The following ZC4H2 variants were observed in gnomAD, a reference collection of about 807,000 sequenced individuals.
ZC4H2 encodes zinc finger C4H2-type containing.
For synonymous variants in ZC4H2, 84 were observed against 66.3 expected (o/e 1.27, Z -1.30); for missense variants, 137 against 173.9 (o/e 0.79, Z 1.19).
At chrX:64,945,527 G>A (rs759985374) in intron 1 of ZC4H2, among the ~76,000 whole-genome samples, 2 of 111,617 alleles carry the variant, frequency 1.8e-5, no homozygotes, top group South Asian at 7.6e-4. Flanking sequence ...ACTCCTGCTG[G>A]GAGGTGTCTC....
chrX:64,957,508 G>A (rs1200344521), intron 1 of ZC4H2, among the ~76,000 whole-genome samples: 1 of 111,662 alleles, frequency 9.0e-6, no homozygotes, highest in Non-Finnish European at 1.9e-5. Flanking sequence ...TTTCATAAGC[G>A]TTTTTTCTAT....
chrX:64,923,336 T>C (rs781433695), intron 1 of ZC4H2, among the ~76,000 whole-genome samples: 2 of 111,533 alleles, frequency 1.8e-5, no homozygotes, highest in East Asian at 2.9e-4. Flanking sequence ...AGGGGTACCC[T>C]CTAAGGCATG....
chrX:64,920,424 G>A (rs1929145413), intron 2 of ZC4H2, among the ~76,000 whole-genome samples, 171 bp from the exon 3 acceptor site: 1 of 111,601 alleles, frequency 9.0e-6, no homozygotes, highest in Non-Finnish European at 1.9e-5. Flanking sequence ...TTTCTTCATC[G>A]GTATAATGGT....
intron 1 of ZC4H2, among the ~76,000 whole-genome samples, chrX:65,001,454 T>C (rs1443400832): frequency 9.0e-6 from 1 of 111,657 alleles, no homozygotes; most frequent in African/African-American, 3.3e-5. Context: ...GCACTAAACA[T>C]GGAAAGGAAA....
intron 1 of ZC4H2, among the ~76,000 whole-genome samples, chrX:64,951,257 A>T (rs1281743343): frequency 8.9e-6 from 1 of 112,330 alleles, no homozygotes; most frequent in Non-Finnish European, 1.9e-5. Flanking sequence ...TAGTGCCACA[A>T]CAAACATACG....
chrX:64,979,724 A>G (rs1052298571), upstream of ZC4H2, among the ~76,000 whole-genome samples: 1 of 111,896 alleles, frequency 8.9e-6, no homozygotes, highest in African/African-American at 3.2e-5. Flanking sequence ...GAAGTTTGCA[A>G]TGGCTGAAAC....
chrX:64,934,276 T>C (rs1411248051), intron 1 of ZC4H2, among the ~76,000 whole-genome samples: 1 of 112,556 alleles, frequency 8.9e-6, no homozygotes, highest in East Asian at 2.8e-4. Context: ...ACATTTTTAC[T>C]CCATTGTAAC....
At chrX:64,997,743 G>C (rs988887209) in intron 1 of ZC4H2, among the ~76,000 whole-genome samples, 1 of 111,338 alleles carries the variant, frequency 9.0e-6, no homozygotes, top group Non-Finnish European at 1.9e-5. Context: ...GAGTAGCTGG[G>C]ACTACAGGCA....
At chrX:64,998,146 A>T (rs1479184131) in intron 1 of ZC4H2, among the ~76,000 whole-genome samples, 3 of 111,958 alleles carry the variant, frequency 2.7e-5, no homozygotes, top group African/African-American at 9.7e-5. Flanking sequence ...TAAGACATAC[A>T]GAAAGCAAAT....
intron 1 of ZC4H2, among the ~76,000 whole-genome samples, chrX:64,947,259 T>C (rs1481105737): frequency 8.9e-6 from 1 of 112,185 alleles, no homozygotes; most frequent in Non-Finnish European, 1.9e-5. Flanking sequence ...CAGGAAATGG[T>C]CTATCTATTT....
At position 64,975,268 on chromosome X, in the gene ZC4H2, T is replaced by G. The variant is rs749403576; in HGVS notation, c.53+1057A>C. On this transcript the variant is annotated intron_variant, in intron 1 of 4. Transcript: ENST00000374839. Reference sequence around the variant, plus strand: ...TAAATGATAGTTCCCTTCCTTTACCTCTCCTGTAGAAAGAGAGATGCAACC... The same window carrying G: ...TAAATGATAGTTCCCTTCCTTTACCGCTCCTGTAGAAAGAGAGATGCAACC... 2.0e-3 allele frequency among the ~76,000 whole-genome samples: 227 copies of G among 110,834 alleles called. 1 individual carries two copies. The highest frequency in any genetic ancestry group is 2.8e-3 in the Non-Finnish European group (147 of 52,934).
rs758283674 is a variant in ZC4H2, at chrX:64,934,785, T to C, written c.54-12797A>G. 9.1e-4 allele frequency among the ~76,000 whole-genome samples: 102 copies of C among 111,525 alleles called. No individual in the cohort carries two copies. The South Asian group carries it at 0.014, about 15-fold the overall frequency. ...CCAAGGGAAGCCATTAGGGACTGCA[T>C]TGTGCACTATAACTCAAATACTGTG... On this transcript the variant is annotated intron_variant, in intron 1 of 4. Coordinates refer to ENST00000374839, the MANE Select transcript of ZC4H2 (RefSeq NM_018684.4).
chrX:64,952,833 T>C (rs980291030), intron 1 of ZC4H2, among the ~76,000 whole-genome samples: 1 of 111,147 alleles, frequency 9.0e-6, no homozygotes, highest in South Asian at 3.9e-4. Flanking sequence ...GTAAAGTTCA[T>C]ATGGAACCAA....
intron 1 of ZC4H2, among the ~76,000 whole-genome samples, chrX:64,929,657 T>C (rs1216745156): frequency 8.9e-6 from 1 of 111,773 alleles, no homozygotes; most frequent in Admixed American, 9.5e-5. Flanking sequence ...GTATGCTTTG[T>C]CAATACTTAC....
chrX:65,002,878 T>C (rs764417173), intron 1 of ZC4H2, among the ~76,000 whole-genome samples: 280 of 108,924 alleles, frequency 2.6e-3, no homozygotes, highest in Middle Eastern at 9.5e-3. Context: ...TTAAGAGTCA[T>C]CACCACTCCC....
intron 1 of ZC4H2, among the ~76,000 whole-genome samples, chrX:64,936,306 C>G (rs1930009729): frequency 9.0e-6 from 1 of 111,010 alleles, no homozygotes; most frequent in African/African-American, 3.3e-5. Flanking sequence ...ATTGGTGTAC[C>G]TGAAAGTGAT....
At chrX:64,922,247 CAAA>C in intron 1 of ZC4H2, 1 of 85,075 alleles carries the variant, frequency 1.2e-5, no homozygotes, top group Non-Finnish European at 1.8e-5. Flanking sequence ...CTTATATCTA[CAAA>C]AAAAAAAAAG....
At chrX:65,003,373 T>C (rs1472618980) in intron 1 of ZC4H2, among the ~76,000 whole-genome samples, 1 of 110,560 alleles carries the variant, frequency 9.0e-6, no homozygotes, top group African/African-American at 3.3e-5. Flanking sequence ...TGAAAACAAC[T>C]AGAAAAGCAA....
intron 1 of ZC4H2, among the ~76,000 whole-genome samples, chrX:64,987,198 G>A (rs1932205683): frequency 9.0e-6 from 1 of 110,546 alleles, no homozygotes; most frequent in Non-Finnish European, 1.9e-5. Context: ...AAAGTGCTGG[G>A]ATTACAGGTG....
Sources: gnomAD v4.1 joint callset for allele counts (sites outside exome capture counted in the v4.1 genomes callset) on GRCh38, gnomAD v4.1.1 for gene constraint, MANE v1.5 for transcripts, NCBI Gene and HGNC (gene_info 2026-07-23, HGNC 2026-07-21) for gene names.